Variants in SOX5 observed in about 807,000 individuals in gnomAD.
SOX5 encodes the protein SRY-box transcription factor 5.
SOX5 carries 9 observed loss-of-function variants against 92.0 expected under a neutral mutation model. The ratio of observed to expected loss-of-function variants is 0.10; its 90% CI spans 0.06 to 0.17. The LOEUF is 0.17. SOX5 is among the 10% of genes least tolerant of loss of function. The probability of loss-of-function intolerance (pLI) is 1.00; values close to 1 mark genes in which losing one functional copy is unlikely to be tolerated. For synonymous variants in SOX5, 344 were observed against 336.3 expected, an observed-to-expected ratio of 1.02 and a Z score of -0.25; for missense variants, 642 against 944.5, an observed-to-expected ratio of 0.68 and a Z score of 4.20.
At chr12:23,893,033 A>G (rs1478107888) in intron 2 of SOX5, among the ~76,000 whole-genome samples, 1 of 152,218 alleles carries the variant, frequency 6.6e-6, no homozygotes, top group African/African-American at 2.4e-5. Flanking sequence ...CTTTAGATGA[A>G]GTTCACTGAG....
intron 4 of SOX5, among the ~76,000 whole-genome samples, chr12:24,085,309 C>A (rs530128478): frequency 6.6e-6 from 1 of 152,200 alleles, no homozygotes; most frequent in African/African-American, 2.4e-5. Flanking sequence ...GCCAGGGACT[C>A]TGCTATATGT....
At chr12:24,385,622 G>A (rs769638764) in intron 1 of SOX5, among the ~76,000 whole-genome samples, 4 of 152,110 alleles carry the variant, frequency 2.6e-5, no homozygotes, top group African/African-American at 4.8e-5. Context: ...ATGTTGGGAC[G>A]TCATGCTGAG....
intron 4 of SOX5, among the ~76,000 whole-genome samples, chr12:24,073,048 GA>G (rs1276465137): frequency 2.6e-5 from 4 of 152,078 alleles, no homozygotes; most frequent in Non-Finnish European, 5.9e-5. Context: ...GCAAAACAAA[GA>G]TTTTTTTTCT....
chr12:24,212,353 G>C (rs1254975443), intron 4 of SOX5: 18 of 517,568 alleles, frequency 3.5e-5, no homozygotes, highest in Middle Eastern at 7.7e-4. Context: ...TTTAATTGAA[G>C]AGATCTGATC....
chr12:23,821,007 CTTTGGGCAGTATGGCCA>C (rs1356510242), intron 3 of SOX5, among the ~76,000 whole-genome samples: 4 of 152,104 alleles, frequency 2.6e-5, no homozygotes, highest in Admixed American at 2.6e-4. Flanking sequence ...CTATAAATTA[CTTTGGGCAGTATGGCCA>C]TTTTTATGAT....
At chr12:23,718,770 A>G (rs994311760) in intron 6 of SOX5, among the ~76,000 whole-genome samples, 7 of 152,196 alleles carry the variant, frequency 4.6e-5, no homozygotes. Context: ...AAGTGAGAGA[A>G]AGGAAAAGGA....
chr12:24,449,283 C>T (rs1425792483), intron 1 of SOX5, among the ~76,000 whole-genome samples: 2 of 152,192 alleles, frequency 1.3e-5, no homozygotes, highest in Non-Finnish European at 2.9e-5. Flanking sequence ...ACTCTCCAAA[C>T]TCTTCTTACT....
At chr12:24,179,251 C>T (rs978618635) in intron 4 of SOX5, among the ~76,000 whole-genome samples, 13 of 152,178 alleles carry the variant, frequency 8.5e-5, no homozygotes, top group Non-Finnish European at 1.8e-4. Context: ...ATTTTTGTAA[C>T]ACTTTCCATG....
At chr12:24,555,957 C>G (rs1036738569) in intron 1 of SOX5, among the ~76,000 whole-genome samples, 1 of 152,200 alleles carries the variant, frequency 6.6e-6, no homozygotes, top group Admixed American at 6.5e-5. Flanking sequence ...TGTAGCTGCT[C>G]CCAGCCAATG....
At chr12:23,688,090 A>G (rs1211781893) in intron 6 of SOX5, among the ~76,000 whole-genome samples, 1 of 151,976 alleles carries the variant, frequency 6.6e-6, no homozygotes, top group Non-Finnish European at 1.5e-5. Flanking sequence ...TTTGGCTACA[A>G]TTATGCTGAT....
chr12:23,820,309 G>C (rs774663399), intron 3 of SOX5, among the ~76,000 whole-genome samples: 20 of 152,294 alleles, frequency 1.3e-4, no homozygotes, highest in Non-Finnish European at 2.8e-4. Context: ...GTTCCTTGTA[G>C]ATTCTGGATA....
At chr12:23,546,569 C>T (rs1216447473) in intron 11 of SOX5, 145 bp from the exon 12 acceptor site, 2 of 588,950 alleles carry the variant, frequency 3.4e-6, no homozygotes, top group Admixed American at 6.3e-5. Context: ...GCACATTAAC[C>T]TGAAGTCATT....
rs146051086 is a variant in SOX5, at chr12:23,534,291, G to A, written c.2220C>T (p.Asp740=). The A allele has an allele frequency of 7.1e-5, 115 of 1,613,988 alleles. 3 individuals carry two copies. In the African/African-American group the frequency reaches 7.6e-4, roughly 11 times the overall value. ...CTACATCTGGATCATCCTCTTCCTC[G>A]TCGTACTCATCATAAATTTCTCCAT... ...DINGEIYDEY[D]EEEDDPDVDY... The change falls in exon 15 of 15, where the codon GAC becomes GAT. Residue 740 remains aspartate (D), a synonymous_variant. Transcript: ENST00000451604.
intron 6 of SOX5, among the ~76,000 whole-genome samples, chr12:23,683,024 C>G (rs901064321): frequency 6.6e-6 from 1 of 151,776 alleles, no homozygotes; most frequent in Non-Finnish European, 1.5e-5. Context: ...TATATTAAAA[C>G]CACATTTATA....
At chr12:24,252,596 A>G (rs1403554532) in intron 3 of SOX5, among the ~76,000 whole-genome samples, 1 of 151,558 alleles carries the variant, frequency 6.6e-6, no homozygotes, top group Non-Finnish European at 1.5e-5. Context: ...CTAAAAATAT[A>G]CCTCTTTTAT....
chr12:24,414,021 C>A (rs1229588301), intron 1 of SOX5, among the ~76,000 whole-genome samples: 1 of 152,208 alleles, frequency 6.6e-6, no homozygotes, highest in East Asian at 1.9e-4. Flanking sequence ...GAGTGATAGA[C>A]TTCCCCTTTT....
chr12:24,362,474 A>G (rs1595927603), intron 2 of SOX5, among the ~76,000 whole-genome samples: 1 of 152,338 alleles, frequency 6.6e-6, no homozygotes, highest in East Asian at 1.9e-4. Flanking sequence ...AACCAGATCA[A>G]TTGTGTAGAC....
chr12:24,216,450 C>G (rs539484048), intron 3 of SOX5, among the ~76,000 whole-genome samples: 8 of 151,980 alleles, frequency 5.3e-5, no homozygotes, highest in Non-Finnish European at 1.2e-4. Context: ...CGCCACCGCA[C>G]TACAGCCTGG....
At chr12:23,783,938 A>G (rs2095330863) in intron 3 of SOX5, among the ~76,000 whole-genome samples, 1 of 152,192 alleles carries the variant, frequency 6.6e-6, no homozygotes, top group African/African-American at 2.4e-5. Flanking sequence ...GGAGTTTATC[A>G]CCTGGAGGAT....
Sources: allele counts gnomAD v4.1 joint callset (sites outside exome capture counted in the v4.1 genomes callset), GRCh38; gene constraint gnomAD v4.1.1; transcripts MANE v1.5; gene names NCBI Gene and HGNC (gene_info 2026-07-23, HGNC 2026-07-21).